Variants in MAGI1 observed in about 807,000 individuals in gnomAD.
The protein encoded by MAGI1 is membrane associated guanylate kinase, WW and PDZ domain containing 1, also known as membrane-associated guanylate kinase, WW and PDZ domain-containing protein 1.
A neutral mutation model predicts 139.9 loss-of-function variants in MAGI1; 58 were observed. That is an observed-to-expected ratio of 0.41 (90% CI 0.34 to 0.52). MAGI1 has a LOEUF of 0.52. Ranked by LOEUF, MAGI1 falls within the 20% of genes least tolerant of loss-of-function variation. MAGI1 has a pLI of 0.12. For missense variants in MAGI1, 1,874 were observed against 1,901.6 expected (o/e 0.99, Z 0.27); for synonymous variants, 812 against 737.9 (o/e 1.10, Z -1.63).
rs1341622014 is a variant in MAGI1 at position 65,585,036 on chromosome 3, T to C, written c.430+36936A>G. Among the ~76,000 whole-genome samples, 2 of 152,194 alleles carry C rather than the reference T, an allele frequency of 1.3e-5. 1 individual carries two copies. Among genetic ancestry groups the C allele is most frequent in the South Asian group, 4.1e-4 (2 of 4,822 alleles). On this transcript the variant is annotated intron_variant, in intron 2 of 22. Coordinates refer to ENST00000402939, the MANE Select transcript of MAGI1 (RefSeq NM_001033057.2). ...AGAACTACCATTCACTGAATGCCTATCATGTTTCAGGTTCTATGTGAGGGA... is the reference window on the plus strand; with the variant it reads ...AGAACTACCATTCACTGAATGCCTACCATGTTTCAGGTTCTATGTGAGGGA...
intron 8 of MAGI1, among the ~76,000 whole-genome samples, chr3:65,442,479 T>C (rs1014448020): frequency 3.0e-5 from 3 of 99,500 alleles, no homozygotes; most frequent in African/African-American, 9.8e-5. Flanking sequence ...AATCCTGGCT[T>C]TTCTCATTCA....
intron 1 of MAGI1, among the ~76,000 whole-genome samples, chr3:65,688,701 C>T (rs1316163860): frequency 6.6e-6 from 1 of 152,074 alleles, no homozygotes; most frequent in Non-Finnish European, 1.5e-5. Flanking sequence ...GGCATTATGA[C>T]CTATGACATT....
In MAGI1 at chr3:65,820,100, A is replaced by G. The variant is rs944337816; in HGVS notation, c.314-198012T>C. 2.6e-5 allele frequency among the ~76,000 whole-genome samples: 4 copies of G among 151,996 alleles called. No individual in the cohort carries two copies. In the East Asian group the frequency reaches 7.8e-4, roughly 30 times the overall value. Reference sequence around the variant, plus strand: ...TTGACCTTTGAACAGACTTACTAGAATACCTGACAATCAGCAACCAAACAG... The same window carrying G: ...TTGACCTTTGAACAGACTTACTAGAGTACCTGACAATCAGCAACCAAACAG... On this transcript the variant is annotated intron_variant, in intron 1 of 22. Coordinates refer to ENST00000402939, the MANE Select transcript of MAGI1 (RefSeq NM_001033057.2).
At chr3:66,035,642 A>C (rs1280711622) in intron 1 of MAGI1, among the ~76,000 whole-genome samples, 1 of 152,126 alleles carries the variant, frequency 6.6e-6, no homozygotes, top group Non-Finnish European at 1.5e-5. Context: ...CAGGTTTCCC[A>C]ATCAGTATCA....
rs1415992377 is a variant in MAGI1, at chr3:65,849,480, TATATATCATCAAATATAC to T, written c.313+188498_313+188515del. The stretch of plus-strand genomic sequence containing the variant: ...AAAAGTAAACTTTCATATATATATA[TATATATCATCAAATATAC>T]ATATATATATATCATCAAATATACA... On this transcript the variant is annotated intron_variant, in intron 1 of 22. Coordinates refer to ENST00000402939, the MANE Select transcript of MAGI1 (RefSeq NM_001033057.2). 3.5e-3 allele frequency among the ~76,000 whole-genome samples: 508 copies of T among 145,406 alleles called. 2 individuals are homozygous for T. Among genetic ancestry groups the T allele is most frequent in the Middle Eastern group, 0.015 (4 of 274 alleles).
intron 18 of MAGI1, among the ~76,000 whole-genome samples, chr3:65,374,923 C>T (rs1942354981): frequency 6.6e-6 from 1 of 152,098 alleles, no homozygotes; most frequent in Non-Finnish European, 1.5e-5. Context: ...CATTCACATC[C>T]AAAAATTAGG....
intron 1 of MAGI1, among the ~76,000 whole-genome samples, chr3:65,712,757 C>A (rs941152945): frequency 6.6e-6 from 1 of 152,134 alleles, no homozygotes; most frequent in Admixed American, 6.5e-5. Flanking sequence ...AGTAATCCAC[C>A]CACCTCGGTC....
chr3:65,986,026 G>A (rs925620166), intron 1 of MAGI1, among the ~76,000 whole-genome samples: 1 of 152,158 alleles, frequency 6.6e-6, no homozygotes, highest in Non-Finnish European at 1.5e-5. Flanking sequence ...TTGGCTTTTG[G>A]AGAATCAGCT....
Position 65,359,416 on chromosome 3 carries a change from T to TTTTTG in MAGI1, c.3634+1778_3634+1782dup, listed in dbSNP as rs998218243. The TTTTTG allele has an allele frequency of 1.9e-5, 24 of 1,241,478 alleles. No homozygotes were observed. The Admixed American group carries it at 2.1e-4, about 11-fold the overall frequency. 76.9% of individuals were successfully genotyped at this position (1,241,478 alleles called of 1,614,324 possible). On this transcript the variant is annotated intron_variant, in intron 22 of 22. Transcript: ENST00000402939. ...AGAACCCAGACAACGAATGCATCCT[T>TTTTTG]TTTTGTTTTGTTTTGTTTTGTTTTT... is the stretch of plus-strand genomic sequence containing the variant.
intron 2 of MAGI1, among the ~76,000 whole-genome samples, chr3:65,495,998 CCTTAGAATGG>C (rs1952406384): frequency 1.3e-5 from 2 of 152,064 alleles, no homozygotes; most frequent in African/African-American, 4.8e-5. Context: ...GGAATGTCAT[CCTTAGAATGG>C]TTTTGAGCAA....
At chr3:65,397,767 G>A (rs78759652) in intron 13 of MAGI1, among the ~76,000 whole-genome samples, 5,153 of 152,084 alleles carry the variant, frequency 0.034, 490 homozygotes, top group East Asian at 0.28. Flanking sequence ...CATTATGTGC[G>A]TACTTGCTTC....
chr3:65,720,431 C>T (rs1481017240), intron 1 of MAGI1, among the ~76,000 whole-genome samples: 5 of 152,124 alleles, frequency 3.3e-5, no homozygotes, highest in Admixed American at 2.0e-4. Context: ...CTGAGTGCTA[C>T]GTTCTCTCTT....
At chr3:65,450,312 A>G (rs1046355943) in intron 6 of MAGI1, among the ~76,000 whole-genome samples, 3 of 152,202 alleles carry the variant, frequency 2.0e-5, no homozygotes, top group Non-Finnish European at 4.4e-5. Flanking sequence ...CATAAAAAGG[A>G]GAGTGAAAAG....
intron 10 of MAGI1, among the ~76,000 whole-genome samples, chr3:65,434,135 G>T (rs546768173): frequency 6.6e-6 from 1 of 152,240 alleles, no homozygotes; most frequent in Non-Finnish European, 1.5e-5. Context: ...TATTCCTCAT[G>T]TATAGTGTTC....
Position 65,621,955 on chromosome 3 carries a change from A to G in MAGI1, c.430+17T>C, listed in dbSNP as rs369593941. 1 of 1,560,194 alleles carries G rather than the reference A, an allele frequency of 6.4e-7. No homozygotes were observed. Among genetic ancestry groups the G allele is most frequent in the East Asian group, 2.2e-5 (1 of 44,546 alleles). ...CACACACACACAGCAGTGAGATGCC[A>G]AAGTCCAACTACTTACAAGGCACAG... On this transcript the variant is annotated intron_variant, in intron 2 of 22. Coordinates refer to ENST00000402939, the MANE Select transcript of MAGI1 (RefSeq NM_001033057.2).
chr3:65,621,005 T>C (rs1184414020), intron 2 of MAGI1, among the ~76,000 whole-genome samples: 2 of 119,714 alleles, frequency 1.7e-5, no homozygotes, highest in Non-Finnish European at 3.6e-5. Flanking sequence ...CTCTAGCATA[T>C]CATTTGCAAG....
chr3:65,711,675 A>T (rs950104399), intron 1 of MAGI1, among the ~76,000 whole-genome samples: 1 of 152,168 alleles, frequency 6.6e-6, no homozygotes. Flanking sequence ...TGAGAAAAAG[A>T]GGAGGTTAGG....
intron 1 of MAGI1, among the ~76,000 whole-genome samples, chr3:65,792,546 T>TTATAGCTAGCTA (rs993038030): frequency 3.3e-4 from 50 of 152,184 alleles, no homozygotes; most frequent in African/African-American, 1.1e-3. Flanking sequence ...TAATATATTG[T>TTATAGCTAGCTA]TATAGCTAGC....
intron 12 of MAGI1, among the ~76,000 whole-genome samples, chr3:65,423,119 C>A (rs1345862593): frequency 6.6e-6 from 1 of 152,144 alleles, no homozygotes; most frequent in Middle Eastern, 3.2e-3. Flanking sequence ...CTGATGGGAA[C>A]ATATAGGACC....
Sources: gnomAD v4.1 joint callset for allele counts (sites outside exome capture counted in the v4.1 genomes callset) on GRCh38, gnomAD v4.1.1 for gene constraint, MANE v1.5 for transcripts, NCBI Gene and HGNC (gene_info 2026-07-23, HGNC 2026-07-21) for gene names.